The following SPAG16 variants were observed in gnomAD, a reference collection of about 807,000 sequenced individuals.
SPAG16 encodes sperm-associated antigen 16 protein.
Under a neutral mutation model 80.4 loss-of-function variants are expected in SPAG16, and 86 were observed. That is an observed-to-expected ratio of 1.07 (90% CI 0.90 to 1.28). SPAG16 has a LOEUF of 1.28. Among genes scored for constraint, SPAG16 ranks in the 50% most tolerant of loss-of-function variants. The pLI is 0.00. For missense variants in SPAG16, 870 were observed against 765.3 expected, an observed-to-expected ratio of 1.14 and a Z score of -1.61; for synonymous variants, 294 against 265.9, an observed-to-expected ratio of 1.11 and a Z score of -1.03.
At chr2:213,532,663 A>G (rs2076112590) in intron 10 of SPAG16, among the ~76,000 whole-genome samples, 1 of 151,362 alleles carries the variant, frequency 6.6e-6, no homozygotes, top group South Asian at 2.1e-4. Context: ...TGGTTTCACT[A>G]TGTTGTCCAG....
At chr2:213,455,802 G>A (rs939448887) in intron 9 of SPAG16, among the ~76,000 whole-genome samples, 2 of 152,142 alleles carry the variant, frequency 1.3e-5, no homozygotes, top group Admixed American at 6.5e-5. Context: ...CTCCTGTTGT[G>A]TGGCCTGGTT....
chr2:213,522,162 G>T (rs1301666142), intron 10 of SPAG16, among the ~76,000 whole-genome samples: 6 of 152,182 alleles, frequency 3.9e-5, no homozygotes, highest in African/African-American at 7.2e-5. Flanking sequence ...AAAGAACAAA[G>T]AAATTGTTCC....
At chr2:214,113,851 AGCTTTGTTCCATT>A (rs1004698257) in intron 14 of SPAG16, among the ~76,000 whole-genome samples, 4 of 152,140 alleles carry the variant, frequency 2.6e-5, no homozygotes, top group African/African-American at 9.7e-5. Context: ...TTCTGCATCC[AGCTTTGTTCCATT>A]GCTGGTGAGG....
At chr2:213,754,845 C>T (rs1237148577) in intron 10 of SPAG16, among the ~76,000 whole-genome samples, 1 of 152,192 alleles carries the variant, frequency 6.6e-6, no homozygotes, top group African/African-American at 2.4e-5. Context: ...ATTTTGATTT[C>T]ACCTGCTGAC....
intron 15 of SPAG16, among the ~76,000 whole-genome samples, chr2:214,309,435 G>T (rs1416786293): frequency 6.6e-6 from 1 of 152,100 alleles, no homozygotes; most frequent in African/African-American, 2.4e-5. Flanking sequence ...CTCTGAAGAG[G>T]TGATGCAATC....
intron 9 of SPAG16, among the ~76,000 whole-genome samples, chr2:213,411,240 G>T (rs550332704): frequency 6.6e-6 from 1 of 152,142 alleles, no homozygotes; most frequent in Admixed American, 6.5e-5. Flanking sequence ...TAGGTCTTTC[G>T]ACTCTCAAGT....
At position 213,536,614 on chromosome 2, in the gene SPAG16, A is replaced by G. The variant is rs187280319; in HGVS notation, c.1070+46524A>G. Among the ~76,000 whole-genome samples, 120 of 152,266 alleles carry G rather than the reference A, an allele frequency of 7.9e-4. 2 individuals are homozygous for G. The highest frequency in any genetic ancestry group is 3.4e-3 in the Middle Eastern group (1 of 294). On this transcript the variant is annotated intron_variant, in intron 10 of 15. Transcript: ENST00000331683. ...GCATTTTTTCATGTGTCTTTTGGCT[A>G]CATAAATGTCTTCTTTTGAGAAGTG...
At chr2:214,358,892 C>T (rs1698992738) in intron 15 of SPAG16, among the ~76,000 whole-genome samples, 1 of 151,822 alleles carries the variant, frequency 6.6e-6, no homozygotes, top group South Asian at 2.1e-4. Flanking sequence ...AATAATTTTG[C>T]CTACTGCATT....
rs959222024 is a variant in SPAG16, at chr2:213,412,447, A to T, written c.942+37328A>T. Among the ~76,000 whole-genome samples, 20 of 152,068 alleles carry T rather than the reference A, an allele frequency of 1.3e-4. 1 individual carries two copies. In the East Asian group the frequency reaches 1.3e-3, roughly 10 times the overall value. ...CTTGCTGAGAATTGAAAAGAAAATT[A>T]AAAAAAATAATAATTAGACATGGGC... is the stretch of plus-strand genomic sequence containing the variant. On this transcript the variant is annotated intron_variant, in intron 9 of 15. Transcript: ENST00000331683.
intron 15 of SPAG16, among the ~76,000 whole-genome samples, chr2:214,258,332 T>C (rs1690850061): frequency 6.6e-6 from 1 of 151,936 alleles, no homozygotes; most frequent in South Asian, 2.1e-4. Context: ...TGAGAACAAA[T>C]GATATTTGGT....
intron 13 of SPAG16, among the ~76,000 whole-genome samples, chr2:214,103,697 A>G (rs1223871021): frequency 2.6e-5 from 4 of 152,146 alleles, no homozygotes. Flanking sequence ...ACTTAGAGTT[A>G]TTATCCTGAC....
chr2:213,595,048 C>T (rs1217773821), intron 10 of SPAG16, among the ~76,000 whole-genome samples: 1 of 151,644 alleles, frequency 6.6e-6, no homozygotes. Context: ...ATGTTTTACA[C>T]ATTATGAATG....
intron 15 of SPAG16, among the ~76,000 whole-genome samples, chr2:214,352,955 T>A (rs569166894): frequency 6.6e-6 from 1 of 152,262 alleles, no homozygotes; most frequent in South Asian, 2.1e-4. Context: ...CTGCTGTGGG[T>A]TCTAGACATA....
intron 12 of SPAG16, among the ~76,000 whole-genome samples, chr2:213,950,702 C>CTTTTTTTTTT (rs59353089): frequency 1.0e-5 from 1 of 99,714 alleles, no homozygotes; most frequent in Non-Finnish European, 1.9e-5. Flanking sequence ...TTTTTTCTTT[C>CTTTTTTTTTT]TTTTTTTTTT....
At chr2:213,953,429 T>G (rs992635802) in intron 12 of SPAG16, among the ~76,000 whole-genome samples, 10 of 151,808 alleles carry the variant, frequency 6.6e-5, no homozygotes, top group African/African-American at 1.7e-4. Flanking sequence ...AAGTAATATG[T>G]CAAAAGAAAT....
At chr2:213,622,249 A>T (rs1198950561) in intron 10 of SPAG16, among the ~76,000 whole-genome samples, 1 of 152,196 alleles carries the variant, frequency 6.6e-6, no homozygotes, top group African/African-American at 2.4e-5. Context: ...TATTTGTTTT[A>T]TCTGAGTTCC....
intron 10 of SPAG16, among the ~76,000 whole-genome samples, chr2:213,789,739 A>G (rs750322015): frequency 6.6e-6 from 1 of 151,952 alleles, no homozygotes; most frequent in Admixed American, 6.6e-5. Context: ...TGATGCTAGA[A>G]TTTCCAAATA....
At chr2:214,070,569 A>G (rs2050740679) in intron 13 of SPAG16, among the ~76,000 whole-genome samples, 1 of 152,056 alleles carries the variant, frequency 6.6e-6, no homozygotes, top group Admixed American at 6.6e-5. Context: ...AGTATTAGGA[A>G]TATTTTACTA....
intron 10 of SPAG16, among the ~76,000 whole-genome samples, chr2:213,526,868 C>T (rs1462691140): frequency 6.6e-6 from 1 of 152,102 alleles, no homozygotes; most frequent in African/African-American, 2.4e-5. Context: ...GTCAAGAAGA[C>T]CTCATCATAA....
Sources: allele counts gnomAD v4.1 joint callset (sites outside exome capture counted in the v4.1 genomes callset), GRCh38; gene constraint gnomAD v4.1.1; transcripts MANE v1.5; gene names NCBI Gene and HGNC (gene_info 2026-07-23, HGNC 2026-07-21).